SMC4: variants seen among roughly 807,000 people sequenced by gnomAD.
The protein encoded by SMC4 is structural maintenance of chromosomes 4.
SMC4 carries 87 observed loss-of-function variants against 145.6 expected under a neutral mutation model. That is an observed-to-expected ratio of 0.60 (90% CI 0.50 to 0.71). SMC4 has a LOEUF of 0.71. Among genes scored for constraint, SMC4 ranks in the 30% least tolerant of loss-of-function variants. The probability of loss-of-function intolerance (pLI) is 0.00; values close to 1 mark genes in which losing one functional copy is unlikely to be tolerated. For synonymous variants in SMC4, 558 were observed against 500.7 expected, an observed-to-expected ratio of 1.11 and a Z score of -1.53; for missense variants, 1,447 against 1,537.1, an observed-to-expected ratio of 0.94 and a Z score of 0.98.
chr3:160,400,912 ACGCGGAGCCTGAGC>A lies in SMC4; in HGVS notation c.90_103del (p.Glu31ValfsTer16), dbSNP rs1398909420. ...CCGTCCCCTGACGGCGCCAGCAGCGACGCGGAGCCTGAGCCGCCGTCCGGCCGCACGGAGAGCCC... is the reference window on the plus strand; with the variant it reads ...CCGTCCCCTGACGGCGCCAGCAGCGACGCCGTCCGGCCGCACGGAGAGCCC... On this transcript the variant is annotated frameshift_variant, in exon 2 of 24. Coordinates refer to ENST00000357388, the MANE Select transcript of SMC4 (RefSeq NM_001002800.3). LOFTEE classifies it high-confidence loss of function. 10 of 1,491,260 alleles carry A rather than the reference ACGCGGAGCCTGAGC, an allele frequency of 6.7e-6. No individual in the cohort carries two copies. Among genetic ancestry groups the A allele is most frequent in the Non-Finnish European group, 7.1e-6 (8 of 1,129,582 alleles). The allele number at this position is 1,491,260 out of a possible 1,614,324, so 92.4% of individuals were successfully genotyped here. A position where few individuals can be genotyped will look rare whatever the true frequency, so the allele number is the denominator to read the frequency against.
At chr3:160,401,017 C>T (rs1043621771) in intron 2 of SMC4, 52 bp downstream of exon 2, 1 of 1,361,562 alleles carries the variant, frequency 7.3e-7, no homozygotes, top group Non-Finnish European at 9.4e-7. Flanking sequence ...GACTGGCAGG[C>T]AAACGCGCCC....
In SMC4 at chr3:160,426,236, A is replaced by G; in HGVS notation, c.2605+36A>G. 2.6e-6 allele frequency: 4 copies of G among 1,519,346 alleles called. No individual in the cohort carries two copies. In the South Asian group the frequency reaches 3.7e-5, roughly 14 times the overall value. 94.1% of individuals were successfully genotyped at this position (1,519,346 alleles called of 1,614,324 possible). On this transcript the variant is annotated intron_variant, in intron 17 of 23. Transcript: ENST00000357388. ...AGATAGACCTTTTTTGGGGGGAAAA[A>G]AAAAACAGGTTTTTAAAGCTTGCAA...
rs780104743 is a variant in SMC4, at chr3:160,426,125, G to C, written c.2530G>C (p.Ala844Pro). Residue 844 changes from alanine to proline, a missense_variant, in exon 17 of 24, where the codon GCT becomes CCT. Ala to Pro is a conservative substitution (Grantham distance 27, BLOSUM62 -1). Coordinates refer to ENST00000357388, the MANE Select transcript of SMC4 (RefSeq NM_001002800.3). ...GAATGTCCAAGTTAAGGAACTTGAA[G>C]CTAATGTACTTGCTACAGCCCCTGA... ...YLNVQVKELE[A>P]NVLATAPDKK... The C allele has an allele frequency of 6.8e-6, 11 of 1,608,220 alleles. No individual in the cohort carries two copies. Among genetic ancestry groups the C allele is most frequent in the Non-Finnish European group, 8.5e-6 (10 of 1,176,710 alleles).
intron 18 of SMC4, among the ~76,000 whole-genome samples, chr3:160,429,811 G>C (rs892685229): frequency 1.3e-5 from 2 of 150,696 alleles, no homozygotes; most frequent in Admixed American, 6.6e-5. Context: ...CCGCCTCCCA[G>C]GTTCAAGTGA....
intron 6 of SMC4, 29 bp from the exon 7 acceptor site, chr3:160,412,297 T>A: frequency 6.4e-7 from 1 of 1,569,840 alleles, no homozygotes; most frequent in Non-Finnish European, 8.7e-7. Flanking sequence ...GAAGTGTGTA[T>A]TCAGTCTTTA....
intron 5 of SMC4, among the ~76,000 whole-genome samples, chr3:160,406,101 A>G: frequency 6.6e-6 from 1 of 152,240 alleles, no homozygotes; most frequent in Non-Finnish European, 1.5e-5. Flanking sequence ...AATAATTTAT[A>G]AATTGTCAAA....
Position 160,425,019 on chromosome 3 carries a change from G to GGTATGTGTGT in SMC4, c.2478+3_2478+12dup. The GGTATGTGTGT allele has an allele frequency of 8.1e-7, 1 of 1,227,018 alleles. No homozygotes were observed. Among genetic ancestry groups the GGTATGTGTGT allele is most frequent in the Non-Finnish European group, 1.1e-6 (1 of 904,474 alleles). The allele number at this position is 1,227,018 out of a possible 1,614,324, so 76.0% of individuals were successfully genotyped here. On this transcript the variant is annotated frameshift_variant and splice_region_variant. Transcript: ENST00000357388. LOFTEE classifies it high-confidence loss of function. The stretch of plus-strand genomic sequence containing the variant: ...TAGAAAAATTTACTGCAAGCATCCA[G>GGTATGTGTGT]GTATGTGTGTGTGTGTGTGTGTGTG...
intron 22 of SMC4, chr3:160,432,814 G>C: frequency 1.8e-6 from 1 of 541,328 alleles, no homozygotes; most frequent in Non-Finnish European, 3.3e-6. Flanking sequence ...TACTTAGCTT[G>C]CTCTTTAAAT....
chr3:160,430,041 G>A (rs1228121670), intron 18 of SMC4, among the ~76,000 whole-genome samples: 1 of 152,124 alleles, frequency 6.6e-6, no homozygotes, highest in Non-Finnish European at 1.5e-5. Flanking sequence ...ATTTATTGAA[G>A]TGTGTCTGAA....
At chr3:160,410,564 T>C (rs1381470297) in intron 5 of SMC4, among the ~76,000 whole-genome samples, 2 of 152,238 alleles carry the variant, frequency 1.3e-5, no homozygotes, top group Non-Finnish European at 2.9e-5. Flanking sequence ...ATACATAATA[T>C]AATGAATGTT....
intron 23 of SMC4, chr3:160,433,435 T>A: frequency 1.8e-6 from 1 of 541,616 alleles, no homozygotes; most frequent in Non-Finnish European, 3.2e-6. Flanking sequence ...AGTAGCAGAA[T>A]CACAGCTAGA....
At chr3:160,409,389 T>C (rs1715732286) in intron 5 of SMC4, among the ~76,000 whole-genome samples, 1 of 150,530 alleles carries the variant, frequency 6.6e-6, no homozygotes, top group African/African-American at 2.4e-5. Context: ...GAGGAAATCA[T>C]AGCTGTATCT....
At position 160,424,548 on chromosome 3, in the gene SMC4, C is replaced by T. The variant is rs190762873; in HGVS notation, c.2326-319C>T. On this transcript the variant is annotated intron_variant, in intron 15 of 23. Transcript: ENST00000357388. ...TTTAGGCTGGGCGCGGTGGCTCACACCTGTAATCCCAGCACTTTGGGAGTC... is the reference window on the plus strand; with the variant it reads ...TTTAGGCTGGGCGCGGTGGCTCACATCTGTAATCCCAGCACTTTGGGAGTC... 3.2e-3 allele frequency among the ~76,000 whole-genome samples: 483 copies of T among 152,262 alleles called. 1 individual carries two copies. The highest frequency in any genetic ancestry group is 0.011 in the African/African-American group (451 of 41,534).
Position 160,433,724 on chromosome 3 carries a change from G to A in SMC4, c.3782G>A (p.Arg1261Lys). The change falls in exon 24 of 24, where the codon AGA becomes AAA. Residue 1261 changes from arginine to lysine, a missense_variant. By Grantham distance (26) the Arg-to-Lys change is conservative. Coordinates refer to ENST00000357388, the MANE Select transcript of SMC4 (RefSeq NM_001002800.3). ...LRNNMFEISD[R>K]LIGIYKTYNI... ...AATAATATGTTTGAGATTTCGGATAGACTTATTGGAATTTACAAGACATAC... is the reference window on the plus strand; with the variant it reads ...AATAATATGTTTGAGATTTCGGATAAACTTATTGGAATTTACAAGACATAC... The A allele has an allele frequency of 1.3e-6, 2 of 1,590,430 alleles. No homozygotes were observed. Among genetic ancestry groups the A allele is most frequent in the Non-Finnish European group, 8.6e-7 (1 of 1,165,896 alleles).
intron 7 of SMC4, 160 bp downstream of exon 7, chr3:160,412,613 G>T: frequency 8.0e-7 from 1 of 1,248,862 alleles, no homozygotes; most frequent in South Asian, 1.8e-5. Context: ...TGTAATTCCA[G>T]CACTTTGGGA....
chr3:160,417,393 T>G (rs530546255), intron 10 of SMC4, among the ~76,000 whole-genome samples: 31 of 152,200 alleles, frequency 2.0e-4, no homozygotes, highest in African/African-American at 7.5e-4. Context: ...TTAGTGGATT[T>G]TCACTGTTTG....
At chr3:160,431,932 T>C in intron 21 of SMC4, 107 bp downstream of exon 21, 2 of 1,183,146 alleles carry the variant, frequency 1.7e-6, no homozygotes, top group African/African-American at 1.6e-5. Flanking sequence ...CCGGGCGTGG[T>C]GGCTCACGCC....
chr3:160,406,996 G>A (rs1439040439), intron 5 of SMC4, among the ~76,000 whole-genome samples: 5 of 152,112 alleles, frequency 3.3e-5, no homozygotes, highest in East Asian at 1.9e-4. Context: ...CCTCGGTCCC[G>A]TTGTAAGTCT....
chr3:160,400,777 A>G (rs1311300762), intron 1 of SMC4, 45 bp from the exon 2 acceptor site: 3 of 1,452,070 alleles, frequency 2.1e-6, no homozygotes, highest in African/African-American at 1.5e-5. Context: ...GGCGCGGTGT[A>G]GCGGCCCGCG....
Sources: gnomAD v4.1 joint callset for allele counts (sites outside exome capture counted in the v4.1 genomes callset) on GRCh38, gnomAD v4.1.1 for gene constraint, MANE v1.5 for transcripts, NCBI Gene and HGNC (gene_info 2026-07-23, HGNC 2026-07-21) for gene names.